RNF150: variants seen among roughly 807,000 people sequenced by gnomAD.
The protein encoded by RNF150 is ring finger protein 150.
RNF150 carries 24 observed loss-of-function variants against 39.3 expected under a neutral mutation model. The ratio of observed to expected loss-of-function variants is 0.61; its 90% CI spans 0.44 to 0.86. The LOEUF (loss-of-function observed/expected upper bound fraction) is 0.86. Among genes scored for constraint, RNF150 ranks in the 40% least tolerant of loss-of-function variants. The probability of loss-of-function intolerance (pLI) is 0.00; values close to 1 mark genes in which losing one functional copy is unlikely to be tolerated. For missense variants in RNF150, 502 were observed against 587.8 expected (o/e 0.85, Z 1.51); for synonymous variants, 255 against 227.3 (o/e 1.12, Z -1.10).
At chr4:141,065,267 T>C (rs1737407970) in intron 1 of RNF150, among the ~76,000 whole-genome samples, 1 of 152,172 alleles carries the variant, frequency 6.6e-6, no homozygotes, top group Non-Finnish European at 1.5e-5. Flanking sequence ...CCTGGGTTAC[T>C]ATCTAAGATT....
chr4:141,018,720 T>C lies in RNF150; in HGVS notation c.485-50847A>G, dbSNP rs1057138070. On this transcript the variant is annotated intron_variant, in intron 1 of 6. Coordinates refer to ENST00000515673, the MANE Select transcript of RNF150 (RefSeq NM_020724.2). Reference sequence around the variant, plus strand: ...CTCAGAAAGGGTCCCCAGCTGTCCATTGCTTGCCAGTGTAGTCACAAAAGG... The same window carrying C: ...CTCAGAAAGGGTCCCCAGCTGTCCACTGCTTGCCAGTGTAGTCACAAAAGG... 5.9e-5 allele frequency among the ~76,000 whole-genome samples: 9 copies of C among 152,178 alleles called. No homozygotes were observed. In the South Asian group the frequency reaches 6.2e-4, roughly 11 times the overall value.
At chr4:140,995,200 C>A (rs1232819328) in intron 1 of RNF150, among the ~76,000 whole-genome samples, 1 of 152,082 alleles carries the variant, frequency 6.6e-6, no homozygotes, top group Non-Finnish European at 1.5e-5. Context: ...CAGGTGAACC[C>A]CAAATTTGGA....
intron 1 of RNF150, among the ~76,000 whole-genome samples, chr4:141,154,223 G>A (rs1429058528): frequency 6.6e-6 from 1 of 152,204 alleles, no homozygotes; most frequent in African/African-American, 2.4e-5. Flanking sequence ...AAGACTCTGT[G>A]TCCAGTTGAT....
At chr4:141,063,526 G>T (rs571224327) in intron 1 of RNF150, among the ~76,000 whole-genome samples, 1 of 152,188 alleles carries the variant, frequency 6.6e-6, no homozygotes, top group South Asian at 2.1e-4. Context: ...AAATTATATG[G>T]ACCTTTAAAA....
chr4:140,904,260 C>T (rs62345005), intron 6 of RNF150, among the ~76,000 whole-genome samples: 15,025 of 152,194 alleles, frequency 0.099, 819 homozygotes, highest in Admixed American at 0.14. Context: ...TCTTCAAATG[C>T]TTTGTTTTAT....
chr4:141,195,062 C>A (rs1010218917), intron 1 of RNF150, among the ~76,000 whole-genome samples: 2 of 151,834 alleles, frequency 1.3e-5, no homozygotes, highest in African/African-American at 2.4e-5. Flanking sequence ...GCTATTAAGG[C>A]CTTTCTACAC....
intron 1 of RNF150, among the ~76,000 whole-genome samples, chr4:141,184,141 C>T (rs564378055): frequency 6.6e-6 from 1 of 152,316 alleles, no homozygotes; most frequent in African/African-American, 2.4e-5. Context: ...AAAAGCATTC[C>T]TATTTCTCCA....
intron 1 of RNF150, among the ~76,000 whole-genome samples, chr4:141,183,101 GA>G (rs1358257043): frequency 2.0e-5 from 3 of 152,142 alleles, no homozygotes; most frequent in African/African-American, 7.2e-5. Context: ...TTGAGAGAAA[GA>G]AAACTTTTCC....
chr4:141,088,810 G>A (rs945357335), intron 1 of RNF150, among the ~76,000 whole-genome samples: 12 of 151,948 alleles, frequency 7.9e-5, no homozygotes, highest in African/African-American at 2.4e-4. Flanking sequence ...CTTCTACACC[G>A]GTCAGCAGTA....
chr4:141,120,966 C>A (rs1388257816), intron 1 of RNF150, among the ~76,000 whole-genome samples: 1 of 137,788 alleles, frequency 7.3e-6, no homozygotes, highest in Non-Finnish European at 1.6e-5. Flanking sequence ...AGTGGCAGTC[C>A]AGGCAAGAGC....
intron 1 of RNF150, among the ~76,000 whole-genome samples, chr4:140,999,951 G>GAA (rs1391791137): frequency 7.9e-5 from 3 of 38,084 alleles, no homozygotes; most frequent in Admixed American, 4.6e-4. Flanking sequence ...AAAAGAAGAA[G>GAA]AAGAAGAAGA....
chr4:140,894,867 C>T (rs1015997426), intron 6 of RNF150, among the ~76,000 whole-genome samples: 1 of 152,176 alleles, frequency 6.6e-6, no homozygotes, highest in African/African-American at 2.4e-5. Flanking sequence ...AAGTATGGTG[C>T]AGAGTGAACA....
intron 1 of RNF150, among the ~76,000 whole-genome samples, chr4:140,992,022 A>C (rs1734211735): frequency 6.6e-6 from 1 of 152,192 alleles, no homozygotes; most frequent in South Asian, 2.1e-4. Flanking sequence ...ATAATATCTG[A>C]AAAATTCAAG....
chr4:141,037,743 A>G (rs545097627), intron 1 of RNF150, among the ~76,000 whole-genome samples: 21 of 152,334 alleles, frequency 1.4e-4, no homozygotes, highest in Non-Finnish European at 3.1e-4. Flanking sequence ...TTTCTTGGGA[A>G]AGCTGGTAGT....
At chr4:140,911,103 A>G (rs754790125) in intron 6 of RNF150, 41 bp downstream of exon 6, 3 of 1,512,380 alleles carry the variant, frequency 2.0e-6, no homozygotes, top group Non-Finnish European at 1.8e-6. Flanking sequence ...ACAAGGCAAC[A>G]GTCCTTCTGG....
intron 1 of RNF150, among the ~76,000 whole-genome samples, chr4:140,997,688 C>CTGTGTGTGTATATATACACACACA (rs1734427332): frequency 7.3e-6 from 1 of 137,052 alleles, no homozygotes; most frequent in East Asian, 2.1e-4. Context: ...GCACTCCAGC[C>CTGTGTGTGTATATATACACACACA]TGTGTGTGTA....
At chr4:140,911,402 G>C (rs1296943033) in intron 5 of RNF150, 48 bp from the exon 6 acceptor site, 2 of 1,491,344 alleles carry the variant, frequency 1.3e-6, no homozygotes, top group Admixed American at 1.8e-5. Flanking sequence ...CATCCACTTA[G>C]AGATTAAATG....
chr4:141,063,696 C>T (rs1020807680), intron 1 of RNF150, among the ~76,000 whole-genome samples: 51 of 152,238 alleles, frequency 3.4e-4, no homozygotes, highest in African/African-American at 1.2e-3. Flanking sequence ...TAGGAACCAA[C>T]TAATTATTTA....
At chr4:141,175,771 T>C (rs1156904847) in intron 1 of RNF150, among the ~76,000 whole-genome samples, 1 of 152,218 alleles carries the variant, frequency 6.6e-6, no homozygotes, top group African/African-American at 2.4e-5. Context: ...CAAGATCAAG[T>C]GGCCAGAATG....
Sources: gnomAD v4.1 joint callset for allele counts (sites outside exome capture counted in the v4.1 genomes callset) on GRCh38, gnomAD v4.1.1 for gene constraint, MANE v1.5 for transcripts, NCBI Gene and HGNC (gene_info 2026-07-23, HGNC 2026-07-21) for gene names.